Variants in PRKCB observed in about 807,000 individuals in gnomAD.
PRKCB encodes protein kinase C beta type.
PRKCB carries 13 observed loss-of-function variants against 81.5 expected under a neutral mutation model. The ratio of observed to expected loss-of-function variants is 0.16; its 90% CI spans 0.10 to 0.25. The LOEUF is 0.25. PRKCB is among the 10% of genes least tolerant of loss of function. The pLI is 1.00. For missense variants in PRKCB, 509 were observed against 875.7 expected (o/e 0.58, Z 5.29); for synonymous variants, 335 against 321.4 (o/e 1.04, Z -0.45).
intron 9 of PRKCB, among the ~76,000 whole-genome samples, chr16:24,132,131 C>T (rs1457831954): frequency 1.3e-5 from 2 of 152,106 alleles, no homozygotes; most frequent in Non-Finnish European, 2.9e-5. Flanking sequence ...CCTTCATTTC[C>T]TCCCCACCCA....
At chr16:24,076,024 G>A (rs1297629692) in intron 5 of PRKCB, among the ~76,000 whole-genome samples, 3 of 152,190 alleles carry the variant, frequency 2.0e-5, no homozygotes, top group Non-Finnish European at 4.4e-5. Context: ...CATGTGCCAT[G>A]TTGGTGTGCT....
intron 9 of PRKCB, among the ~76,000 whole-genome samples, chr16:24,124,764 A>G (rs1187044238): frequency 1.3e-5 from 2 of 152,206 alleles, no homozygotes; most frequent in Admixed American, 6.5e-5. Context: ...TGTGCAAAAA[A>G]TATAAATTTC....
intron 3 of PRKCB, among the ~76,000 whole-genome samples, chr16:23,992,106 G>T (rs992511278): frequency 2.0e-5 from 3 of 152,206 alleles, no homozygotes; most frequent in Admixed American, 2.0e-4. Flanking sequence ...AGACAGTTGT[G>T]TATGAGAAAG....
chr16:23,843,456 C>A (rs1962302620), intron 2 of PRKCB, among the ~76,000 whole-genome samples: 1 of 151,934 alleles, frequency 6.6e-6, no homozygotes, highest in African/African-American at 2.4e-5. Context: ...TTTTTACCAC[C>A]TGACGGGGGA....
chr16:24,025,497 G>A (rs1375522122), intron 3 of PRKCB, among the ~76,000 whole-genome samples: 6 of 152,214 alleles, frequency 3.9e-5, no homozygotes, highest in Non-Finnish European at 8.8e-5. Flanking sequence ...AGCATCTTCT[G>A]TATGCCAAGT....
intron 7 of PRKCB, among the ~76,000 whole-genome samples, chr16:24,096,291 C>G (rs1404166184): frequency 6.6e-6 from 1 of 152,040 alleles, no homozygotes; most frequent in Non-Finnish European, 1.5e-5. Flanking sequence ...AAAATAAACA[C>G]TAAATTTGTC....
At chr16:24,192,025 T>C (rs1303025584) in intron 16 of PRKCB, among the ~76,000 whole-genome samples, 2 of 152,240 alleles carry the variant, frequency 1.3e-5, no homozygotes, top group African/African-American at 4.8e-5. Context: ...GACTCAATGA[T>C]GGGTTGTAAA....
chr16:24,137,945 T>C (rs1211980805), intron 9 of PRKCB, among the ~76,000 whole-genome samples: 6 of 152,202 alleles, frequency 3.9e-5, no homozygotes, highest in African/African-American at 7.2e-5. Context: ...ACTGCGGAGA[T>C]TGATAACATT....
intron 5 of PRKCB, among the ~76,000 whole-genome samples, chr16:24,063,303 T>A (rs1370665578): frequency 1.3e-5 from 2 of 151,920 alleles, no homozygotes; most frequent in Non-Finnish European, 2.9e-5. Flanking sequence ...TACACTTTTT[T>A]TTTTTTTTTG....
rs527583418 is a variant in PRKCB, at chr16:23,932,093, A to C, written c.206-56415A>C. Reference sequence around the variant, plus strand: ...ACAGAGAATATGTAGGAAATTCTACATAGAAATAACTTGATTTCTTCACGA... The same window carrying C: ...ACAGAGAATATGTAGGAAATTCTACCTAGAAATAACTTGATTTCTTCACGA... On this transcript the variant is annotated intron_variant, in intron 2 of 16. Coordinates refer to ENST00000643927, the MANE Select transcript of PRKCB (RefSeq NM_002738.7). Among the ~76,000 whole-genome samples, 3 of 152,380 alleles carry C rather than the reference A, an allele frequency of 2.0e-5. No homozygotes were observed. The East Asian group carries it at 5.8e-4, about 29-fold the overall frequency.
rs1465150658 is a variant in PRKCB at position 24,031,148 on chromosome 16, GC to G, written c.289-986del. On this transcript the variant is annotated intron_variant, in intron 3 of 16. Coordinates refer to ENST00000643927, the MANE Select transcript of PRKCB (RefSeq NM_002738.7). The stretch of plus-strand genomic sequence containing the variant: ...GAGCCCCGGAAGTTTATCCAAGTCT[GC>G]CTTTTACCACTGCACTGCACTGCCA... Among the ~76,000 whole-genome samples the G allele has an allele frequency of 3.3e-5, 5 of 152,334 alleles. No individual in the cohort carries two copies. In the East Asian group the frequency reaches 9.6e-4, roughly 29 times the overall value.
chr16:23,975,455 C>T (rs896311914), intron 2 of PRKCB, among the ~76,000 whole-genome samples: 5 of 152,056 alleles, frequency 3.3e-5, no homozygotes, highest in Non-Finnish European at 5.9e-5. Context: ...GTTGCATCAG[C>T]GAGGTGGATG....
chr16:24,195,432 G>A (rs899516631), intron 16 of PRKCB, among the ~76,000 whole-genome samples: 13 of 152,216 alleles, frequency 8.5e-5, no homozygotes, highest in South Asian at 8.3e-4. Flanking sequence ...ATCTGTCAGC[G>A]TTTCTGATTC....
chr16:24,107,558 C>T (rs529361564), intron 7 of PRKCB, among the ~76,000 whole-genome samples: 3 of 152,300 alleles, frequency 2.0e-5, no homozygotes, highest in African/African-American at 4.8e-5. Context: ...AGCCCATCTT[C>T]CTCACGTTGG....
intron 2 of PRKCB, among the ~76,000 whole-genome samples, chr16:23,900,498 T>C (rs940878554): frequency 6.6e-6 from 1 of 152,192 alleles, no homozygotes; most frequent in Non-Finnish European, 1.5e-5. Context: ...CCATTCCACT[T>C]CTGTCCTCAA....
chr16:24,162,441 A>ATTTTTTTTTTT (rs1567397400), intron 10 of PRKCB, among the ~76,000 whole-genome samples: 1 of 119,802 alleles, frequency 8.3e-6, no homozygotes. Context: ...AACAGAGAAG[A>ATTTTTTTTTTT]CTTTTTTTTT....
At chr16:24,078,190 T>G (rs1338625953) in intron 5 of PRKCB, among the ~76,000 whole-genome samples, 1 of 152,136 alleles carries the variant, frequency 6.6e-6, no homozygotes, top group African/African-American at 2.4e-5. Context: ...TTAGAAATAA[T>G]CACATTGCAA....
intron 10 of PRKCB, among the ~76,000 whole-genome samples, chr16:24,159,501 G>C (rs1967221891): frequency 7.0e-6 from 1 of 143,546 alleles, no homozygotes; most frequent in Admixed American, 6.7e-5. Flanking sequence ...ACCTCTATTG[G>C]AAAGGTACTA....
chr16:23,927,266 C>T (rs1963910405), intron 2 of PRKCB, among the ~76,000 whole-genome samples: 2 of 151,912 alleles, frequency 1.3e-5, no homozygotes, highest in African/African-American at 4.8e-5. Context: ...GGAGAGTGCT[C>T]CAGGCAGAGG....
Sources: gnomAD v4.1 joint callset for allele counts (sites outside exome capture counted in the v4.1 genomes callset) on GRCh38, gnomAD v4.1.1 for gene constraint, MANE v1.5 for transcripts, NCBI Gene and HGNC (gene_info 2026-07-23, HGNC 2026-07-21) for gene names.